The following CHST9 variants were observed in gnomAD, a reference collection of about 807,000 sequenced individuals.
The protein encoded by CHST9 is carbohydrate sulfotransferase 9.
In CHST9, 41 loss-of-function variants were observed where a neutral mutation model predicts 44.4. That is an observed-to-expected ratio of 0.92 (90% CI 0.72 to 1.20). The LOEUF (loss-of-function observed/expected upper bound fraction) is 1.20. Among genes scored for constraint, CHST9 ranks in the 50% most tolerant of loss-of-function variants. CHST9 has a pLI of 0.00. For missense variants in CHST9, 504 were observed against 516.5 expected, an observed-to-expected ratio of 0.98 and a Z score of 0.23; for synonymous variants, 171 against 178.4, an observed-to-expected ratio of 0.96 and a Z score of 0.33.
chr18:27,041,416 G>A (rs2057443351), intron 3 of CHST9, among the ~76,000 whole-genome samples: 1 of 152,070 alleles, frequency 6.6e-6, no homozygotes, highest in Non-Finnish European at 1.5e-5. Context: ...ACAGATTAAA[G>A]TTTCTCTTTT....
chr18:26,950,631 A>G (rs544325368), intron 4 of CHST9, among the ~76,000 whole-genome samples: 2 of 152,320 alleles, frequency 1.3e-5, no homozygotes, highest in South Asian at 4.1e-4. Context: ...ACAGAAAACC[A>G]AATATCACAT....
intron 2 of CHST9, among the ~76,000 whole-genome samples, chr18:27,098,512 C>T (rs911301047): frequency 6.6e-6 from 1 of 152,006 alleles, no homozygotes; most frequent in Non-Finnish European, 1.5e-5. Flanking sequence ...TGTATGTTTA[C>T]TCCGGCACTA....
chr18:27,163,066 C>T (rs1282903742), intron 1 of CHST9, among the ~76,000 whole-genome samples: 3 of 152,162 alleles, frequency 2.0e-5, no homozygotes, highest in Non-Finnish European at 2.9e-5. Flanking sequence ...TTGGAGTTTG[C>T]TGGAGGTCCA....
intron 2 of CHST9, among the ~76,000 whole-genome samples, chr18:27,072,695 T>C (rs2057854145): frequency 6.6e-6 from 1 of 152,166 alleles, no homozygotes; most frequent in South Asian, 2.1e-4. Flanking sequence ...TCCTAACAGA[T>C]ACAAAAGGCT....
rs2055878475 is a variant in CHST9, at chr18:26,931,600, G to A, written c.240+12729C>T. 3.3e-5 allele frequency among the ~76,000 whole-genome samples: 5 copies of A among 152,182 alleles called. No homozygotes were observed. The South Asian group carries it at 8.3e-4, about 25-fold the overall frequency. ...AAGTCCCTGGAGCCTGCTTCCTCCT[G>A]AGCAAAGAGGGTTGTCTTTATTTCA... On this transcript the variant is annotated intron_variant, in intron 5 of 5. Coordinates refer to ENST00000618847, the MANE Select transcript of CHST9 (RefSeq NM_031422.6).
At chr18:27,036,430 A>G (rs1432300453) in intron 3 of CHST9, among the ~76,000 whole-genome samples, 2 of 152,236 alleles carry the variant, frequency 1.3e-5, no homozygotes, top group Non-Finnish European at 2.9e-5. Context: ...CTAGAATTAA[A>G]TAACGTAACC....
chr18:27,064,606 T>C (rs1210628149), intron 2 of CHST9, among the ~76,000 whole-genome samples: 1 of 152,204 alleles, frequency 6.6e-6, no homozygotes, highest in East Asian at 1.9e-4. Flanking sequence ...TTAAAAACAT[T>C]TGACAGAATT....
At chr18:26,988,801 C>A (rs917697716) in intron 4 of CHST9, among the ~76,000 whole-genome samples, 1 of 152,060 alleles carries the variant, frequency 6.6e-6, no homozygotes, top group Non-Finnish European at 1.5e-5. Context: ...TAAAACAACT[C>A]TCAATAAATT....
intron 4 of CHST9, among the ~76,000 whole-genome samples, chr18:26,980,610 T>C (rs1223211170): frequency 6.6e-6 from 1 of 152,184 alleles, no homozygotes; most frequent in Non-Finnish European, 1.5e-5. Context: ...ATTTTATATG[T>C]CAGGTTTCCT....
chr18:26,995,202 T>C (rs1395587724), intron 4 of CHST9, among the ~76,000 whole-genome samples: 2 of 144,656 alleles, frequency 1.4e-5, no homozygotes, highest in African/African-American at 2.6e-5. Flanking sequence ...GGTGGGTGGA[T>C]CACGAGGTCA....
At chr18:27,127,976 G>C (rs1016353164) in intron 2 of CHST9, among the ~76,000 whole-genome samples, 8 of 152,152 alleles carry the variant, frequency 5.3e-5, no homozygotes, top group African/African-American at 1.7e-4. Flanking sequence ...CGTGTTTGGA[G>C]TGTCAAGGAG....
intron 4 of CHST9, among the ~76,000 whole-genome samples, chr18:26,961,519 T>C (rs1480062667): frequency 1.3e-5 from 2 of 152,032 alleles, no homozygotes; most frequent in African/African-American, 4.8e-5. Context: ...AGCCTCGAAC[T>C]CTTGGGCTCA....
chr18:27,137,304 ATGTGTGTGTGTGTGTGTGTGTG>A (rs60705060), intron 2 of CHST9, among the ~76,000 whole-genome samples: 1,495 of 145,484 alleles, frequency 0.01, 40 homozygotes, highest in African/African-American at 0.035. Flanking sequence ...TTATTTATAT[ATGTGTGTGTGTGTGTGTGTGTG>A]TGTGTGTGTG....
intron 3 of CHST9, among the ~76,000 whole-genome samples, chr18:27,040,518 C>G (rs2057433449): frequency 6.6e-6 from 1 of 152,088 alleles, no homozygotes; most frequent in African/African-American, 2.4e-5. Context: ...AAAGCTTAGC[C>G]TTTCTTGGAA....
In CHST9 at chr18:27,115,941, CT is replaced by C. The variant is rs1463209167; in HGVS notation, c.121+26747del. Among the ~76,000 whole-genome samples the C allele has an allele frequency of 5.3e-5, 8 of 152,310 alleles. No homozygotes were observed. The East Asian group carries it at 1.5e-3, about 29-fold the overall frequency. ...TGCTTATTGGACATTCATACGTCTT[CT>C]TTGGAGAAATGTCTATTCAGATCCT... On this transcript the variant is annotated intron_variant, in intron 2 of 5. Transcript: ENST00000618847.
intron 3 of CHST9, among the ~76,000 whole-genome samples, chr18:27,047,108 C>T (rs780436254): frequency 2.6e-5 from 4 of 151,978 alleles, no homozygotes; most frequent in African/African-American, 9.7e-5. Context: ...AGTCCTTGTC[C>T]TGCCTCTGTC....
At chr18:26,969,376 CTGTGTGTGTGTGTG>C (rs1208856677) in intron 4 of CHST9, among the ~76,000 whole-genome samples, 361 of 95,700 alleles carry the variant, frequency 3.8e-3, no homozygotes, top group African/African-American at 0.01. Flanking sequence ...CTCTCTCTCT[CTGTGTGTGTGTGTG>C]TGTGTGTGTG....
intron 4 of CHST9, among the ~76,000 whole-genome samples, chr18:26,945,038 T>C (rs550191402): frequency 6.6e-6 from 1 of 152,158 alleles, no homozygotes; most frequent in South Asian, 2.1e-4. Flanking sequence ...CAACGTTATG[T>C]ATGTCTTAAG....
intron 5 of CHST9, chr18:26,934,655 G>A (rs913061550): frequency 1.3e-5 from 2 of 152,188 alleles, no homozygotes; most frequent in Non-Finnish European, 2.9e-5. Context: ...TGGTACCAGT[G>A]GAGAGGGAGC....
Sources: gnomAD v4.1 joint callset for allele counts (sites outside exome capture counted in the v4.1 genomes callset) on GRCh38, gnomAD v4.1.1 for gene constraint, MANE v1.5 for transcripts, NCBI Gene and HGNC (gene_info 2026-07-23, HGNC 2026-07-21) for gene names.